The following ABCA13 variants were observed in gnomAD, a reference collection of about 807,000 sequenced individuals.
ABCA13 encodes ATP binding cassette subfamily A member 13.
A neutral mutation model predicts 478.7 loss-of-function variants in ABCA13; 476 were observed. The observed-to-expected ratio is 0.99, with a 90% confidence interval of 0.92 to 1.07. The LOEUF is 1.07. ABCA13 is among the 50% of genes least tolerant of loss of function. The probability of loss-of-function intolerance (pLI) is 0.00; values close to 1 mark genes in which losing one functional copy is unlikely to be tolerated. For missense variants in ABCA13, 6,060 were observed against 5,910.6 expected, an observed-to-expected ratio of 1.03 and a Z score of -0.83; for synonymous variants, 2,252 against 2,158.9, an observed-to-expected ratio of 1.04 and a Z score of -1.20.
chr7:48,482,548 T>TA (rs1828883909), intron 46 of ABCA13, among the ~76,000 whole-genome samples: 2 of 151,874 alleles, frequency 1.3e-5, no homozygotes, highest in South Asian at 4.2e-4. Context: ...CAGCTAATTT[T>TA]TTTTTTTGTA....
intron 3 of ABCA13, among the ~76,000 whole-genome samples, chr7:48,200,391 C>A (rs1798508152): frequency 2.0e-5 from 3 of 152,112 alleles, no homozygotes; most frequent in African/African-American, 4.8e-5. Context: ...CCCCAAATTA[C>A]TTGATATCAG....
At position 48,644,678 on chromosome 7, in the gene ABCA13, T is replaced by A. The variant is rs1562589768; in HGVS notation, c.15005T>A (p.Leu5002Ter). Residue 5002 changes from leucine (L) to a stop codon, truncating the protein, a stop_gained, in exon 61 of 62, where the codon TTG (leucine) becomes TAG (stop). Coordinates refer to ENST00000435803, the MANE Select transcript of ABCA13 (RefSeq NM_152701.5). LOFTEE classifies it high-confidence loss of function. ...VPKRWGCLAD[L>*]FKVIENNKTF... ...AAAAGATGGGGATGCCTAGCTGACT[T>A]GTTCAAAGTTATAGAGAACAATAAA... 1 of 1,613,104 alleles carries A rather than the reference T, an allele frequency of 6.2e-7. No individual in the cohort carries two copies. Among genetic ancestry groups the A allele is most frequent in the East Asian group, 2.2e-5 (1 of 44,800 alleles).
At position 48,352,167 on chromosome 7, in the gene ABCA13, T is replaced by C. The variant is rs570157293; in HGVS notation, c.10382-14T>C. On this transcript the variant is annotated splice_polypyrimidine_tract_variant and intron_variant, in intron 30 of 61. Transcript: ENST00000435803. ...CAGTGTGGTAATGCTTCGTTTTTCC[T>C]TTTCTGCCACTAGGTATCATTTTCA... 2.6e-5 allele frequency: 42 copies of C among 1,594,310 alleles called. No homozygotes were observed. The South Asian group carries it at 4.8e-4, about 18-fold the overall frequency.
chr7:48,179,257 T>C (rs1047775856), intron 1 of ABCA13, among the ~76,000 whole-genome samples: 2 of 152,120 alleles, frequency 1.3e-5, no homozygotes, highest in African/African-American at 4.8e-5. Context: ...TGAGATTGTA[T>C]TGGAGGCCGC....
At chr7:48,564,993 G>A (rs921766778) in intron 55 of ABCA13, among the ~76,000 whole-genome samples, 17 of 152,062 alleles carry the variant, frequency 1.1e-4, no homozygotes, top group African/African-American at 4.1e-4. Flanking sequence ...TTGTTTTCTG[G>A]ATAGTTTTTA....
intron 45 of ABCA13, 39 bp from the exon 46 acceptor site, chr7:48,480,997 T>C: frequency 7.3e-7 from 1 of 1,374,500 alleles, no homozygotes; most frequent in Non-Finnish European, 1.0e-6. Flanking sequence ...TTGTGAATTA[T>C]AAAAAAGTTT....
At chr7:48,511,483 A>T (rs541782375) in intron 51 of ABCA13, among the ~76,000 whole-genome samples, 98 of 152,308 alleles carry the variant, frequency 6.4e-4, no homozygotes, top group African/African-American at 2.3e-3. Flanking sequence ...ATTCTCTATT[A>T]TTCTCACTTT....
chr7:48,203,178 G>A lies in ABCA13; in HGVS notation c.287+4818G>A, dbSNP rs868424162. Among the ~76,000 whole-genome samples, 26 of 152,268 alleles carry A rather than the reference G, an allele frequency of 1.7e-4. No homozygotes were observed. The South Asian group carries it at 3.7e-3, about 22-fold the overall frequency. ...GGGTGCTAAGTCCCTCATTGCCTGG[G>A]GCCGGCAGGGCCGGCCGGCTGCTCC... On this transcript the variant is annotated intron_variant, in intron 3 of 61. Transcript: ENST00000435803.
At chr7:48,373,383 A>G (rs1812960735) in intron 33 of ABCA13, among the ~76,000 whole-genome samples, 1 of 152,210 alleles carries the variant, frequency 6.6e-6, no homozygotes, top group African/African-American at 2.4e-5. Flanking sequence ...TAGGGCCTAG[A>G]GTAAAATATT....
intron 32 of ABCA13, among the ~76,000 whole-genome samples, chr7:48,369,891 A>G (rs760234498): frequency 5.9e-5 from 9 of 151,974 alleles, no homozygotes; most frequent in Middle Eastern, 3.4e-3. Flanking sequence ...TTTTGGTTCC[A>G]TATGAATTTT....
At chr7:48,369,371 T>A (rs966667793) in intron 32 of ABCA13, among the ~76,000 whole-genome samples, 3 of 152,242 alleles carry the variant, frequency 2.0e-5, no homozygotes, top group African/African-American at 4.8e-5. Flanking sequence ...TTTCTTTTGC[T>A]GTGCAGAAGC....
intron 42 of ABCA13, among the ~76,000 whole-genome samples, chr7:48,438,765 A>G (rs1310278708): frequency 3.3e-5 from 5 of 152,006 alleles, no homozygotes; most frequent in Non-Finnish European, 7.4e-5. Flanking sequence ...GTTCCAGTAG[A>G]AACCAGGCAG....
Position 48,275,646 on chromosome 7 carries a change from G to T in ABCA13, c.5980G>T (p.Val1994Phe). 1 of 1,601,872 alleles carries T rather than the reference G, an allele frequency of 6.2e-7. No individual in the cohort carries two copies. The highest frequency in any genetic ancestry group is 8.5e-7 in the Non-Finnish European group (1 of 1,173,364). ...LNINEDTETS[V>F]QNIISSNLER... ...CATTAATGAAGACACAGAGACATCT[G>T]TTCAAAATATTATTTCCTCAAATTT... The change falls in exon 17 of 62, where the codon GTT becomes TTT. Residue 1994 changes from valine to phenylalanine, a missense_variant. Physicochemically the swap from Val to Phe is conservative, Grantham distance 50 (BLOSUM62 -1). Coordinates refer to ENST00000435803, the MANE Select transcript of ABCA13 (RefSeq NM_152701.5).
chr7:48,298,678 T>C (rs1055988972), intron 23 of ABCA13, among the ~76,000 whole-genome samples, 191 bp downstream of exon 23: 16 of 152,240 alleles, frequency 1.1e-4, no homozygotes, highest in Admixed American at 1.0e-3. Context: ...AAGGGTGTCA[T>C]TGTCCCATGC....
intron 59 of ABCA13, among the ~76,000 whole-genome samples, chr7:48,639,547 C>T (rs1213863214): frequency 6.6e-6 from 1 of 152,230 alleles, no homozygotes; most frequent in Non-Finnish European, 1.5e-5. Context: ...CCGCTCTCTG[C>T]TCTTGCCCTG....
chr7:48,614,950 G>T (rs1234571819), intron 58 of ABCA13, among the ~76,000 whole-genome samples: 1 of 149,318 alleles, frequency 6.7e-6, no homozygotes, highest in Non-Finnish European at 1.5e-5. Flanking sequence ...ACGAGTTAAT[G>T]GGTGCAGCAC....
chr7:48,404,121 A>C (rs2129076172), intron 39 of ABCA13: 1 of 461,588 alleles, frequency 2.2e-6, no homozygotes, highest in East Asian at 5.3e-5. Context: ...ATCTATGTAC[A>C]TTATACATTA....
chr7:48,232,941 G>A (rs1053692963), intron 7 of ABCA13, among the ~76,000 whole-genome samples: 2 of 152,148 alleles, frequency 1.3e-5, no homozygotes, highest in African/African-American at 4.8e-5. Flanking sequence ...TGTTGTTGGA[G>A]GACTAAGTGA....
intron 55 of ABCA13, among the ~76,000 whole-genome samples, chr7:48,558,575 G>A (rs1241037215): frequency 6.6e-6 from 1 of 152,074 alleles, no homozygotes; most frequent in African/African-American, 2.4e-5. Context: ...TGGGATTACA[G>A]ACATGAGCCA....
Sources: allele counts gnomAD v4.1 joint callset (sites outside exome capture counted in the v4.1 genomes callset), GRCh38; gene constraint gnomAD v4.1.1; transcripts MANE v1.5; gene names NCBI Gene and HGNC (gene_info 2026-07-23, HGNC 2026-07-21).